RIMBP2: variants seen among roughly 807,000 people sequenced by gnomAD.
The protein encoded by RIMBP2 is RIMS binding protein 2, also known as RIMS-binding protein 2.
A neutral mutation model predicts 118.6 loss-of-function variants in RIMBP2; 48 were observed. The ratio of observed to expected loss-of-function variants is 0.40; its 90% CI spans 0.32 to 0.51. RIMBP2 has a LOEUF of 0.51. Ranked by LOEUF, RIMBP2 falls within the 20% of genes least tolerant of loss-of-function variation. The pLI is 0.41. For missense variants in RIMBP2, 1,551 were observed against 1,768.3 expected (o/e 0.88, Z 2.20); for synonymous variants, 762 against 742.9 (o/e 1.03, Z -0.42).
intron 2 of RIMBP2, among the ~76,000 whole-genome samples, chr12:130,597,163 TAAAC>T (rs955767195): frequency 2.0e-5 from 3 of 152,194 alleles, no homozygotes; most frequent in African/African-American, 4.8e-5. Flanking sequence ...CTATGACTCA[TAAAC>T]AAAAAAAATT....
chr12:130,662,212 C>G (rs972061006), intron 1 of RIMBP2, among the ~76,000 whole-genome samples: 4 of 152,110 alleles, frequency 2.6e-5, no homozygotes, highest in Non-Finnish European at 5.9e-5. Flanking sequence ...CCGTCACGCT[C>G]TGGGGAGAGG....
intron 11 of RIMBP2, among the ~76,000 whole-genome samples, chr12:130,439,151 ATGTG>A (rs1361872993): frequency 6.6e-6 from 1 of 151,580 alleles, no homozygotes; most frequent in African/African-American, 2.4e-5. Flanking sequence ...ATATGTGTGT[ATGTG>A]TGTGTAAATG....
In RIMBP2 at chr12:130,438,480, G is replaced by A. The variant is rs772220135; in HGVS notation, c.1541C>T (p.Ala514Val). The A allele has an allele frequency of 1.6e-5, 25 of 1,612,074 alleles. No homozygotes were observed. Among genetic ancestry groups the A allele is most frequent in the Non-Finnish European group, 2.0e-5 (23 of 1,179,140 alleles). Residue 514 changes from alanine to valine, a missense_variant, in exon 12 of 23, where the codon GCT (alanine) becomes GTT (valine). Ala to Val is a moderately conservative substitution (Grantham distance 64, BLOSUM62 0). Transcript: ENST00000690449. ...PAPPQDVTVQ[A>V]GVTPATIRVS... Reference sequence around the variant, plus strand: ...CCGGATGGTGGCGGGGGTCACCCCAGCCTGGACGGTAACATCTTGTGGGGG... The same window carrying A: ...CCGGATGGTGGCGGGGGTCACCCCAACCTGGACGGTAACATCTTGTGGGGG...
chr12:130,616,370 C>G (rs2060935100), intron 2 of RIMBP2, among the ~76,000 whole-genome samples: 2 of 152,062 alleles, frequency 1.3e-5, no homozygotes, highest in African/African-American at 4.8e-5. Flanking sequence ...CTATTAGTCT[C>G]CTCCTCTCAT....
At chr12:130,534,778 C>T (rs2053838503) in intron 2 of RIMBP2, among the ~76,000 whole-genome samples, 1 of 152,190 alleles carries the variant, frequency 6.6e-6, no homozygotes, top group Admixed American at 6.5e-5. Context: ...AACCCAGACA[C>T]CTCTAGGAGT....
At chr12:130,498,610 A>G (rs2049420495) in intron 4 of RIMBP2, among the ~76,000 whole-genome samples, 1 of 149,892 alleles carries the variant, frequency 6.7e-6, no homozygotes. Flanking sequence ...TCAGAAATAC[A>G]AAGTGCTGAG....
At chr12:130,704,882 G>A (rs894150035) in intron 1 of RIMBP2, among the ~76,000 whole-genome samples, 8 of 152,170 alleles carry the variant, frequency 5.3e-5, no homozygotes, top group Admixed American at 6.5e-5. Flanking sequence ...TCACCTGTCT[G>A]TGCGTCCAAG....
intron 12 of RIMBP2, 31 bp downstream of exon 12, chr12:130,438,334 A>AACCC: frequency 1.1e-5 from 15 of 1,344,512 alleles, no homozygotes; most frequent in Non-Finnish European, 1.5e-5. Context: ...GGGCCTAACA[A>AACCC]ACCCTCCCCA....
chr12:130,584,785 T>A (rs1311086169), intron 2 of RIMBP2, among the ~76,000 whole-genome samples: 4 of 150,984 alleles, frequency 2.6e-5, no homozygotes, highest in East Asian at 1.9e-4. Flanking sequence ...CCTTCATCAC[T>A]ACCATCACTA....
At chr12:130,707,170 G>T (rs1169231301) in intron 1 of RIMBP2, among the ~76,000 whole-genome samples, 1 of 152,140 alleles carries the variant, frequency 6.6e-6, no homozygotes. Context: ...GAAGAGCGGT[G>T]GGGTCACAGA....
chr12:130,412,027 T>C (rs767212797), intron 19 of RIMBP2, among the ~76,000 whole-genome samples: 12 of 152,196 alleles, frequency 7.9e-5, no homozygotes, highest in East Asian at 3.8e-4. Flanking sequence ...AGAGGCTTTT[T>C]TTAATGAGGA....
chr12:130,653,602 T>G (rs2063312535), intron 1 of RIMBP2, among the ~76,000 whole-genome samples: 1 of 152,212 alleles, frequency 6.6e-6, no homozygotes, highest in African/African-American at 2.4e-5. Flanking sequence ...GGGGACTCTG[T>G]GTGGGAGCTG....
At chr12:130,665,291 G>C (rs1012113340) in intron 1 of RIMBP2, among the ~76,000 whole-genome samples, 2 of 151,532 alleles carry the variant, frequency 1.3e-5, no homozygotes, top group African/African-American at 2.4e-5. Flanking sequence ...TTGGGAGGCC[G>C]AGGTGGGTGG....
At chr12:130,709,169 G>A (rs942894178) in intron 1 of RIMBP2, among the ~76,000 whole-genome samples, 19 of 152,372 alleles carry the variant, frequency 1.2e-4, no homozygotes, top group African/African-American at 4.3e-4. Context: ...CAGAAGCCAC[G>A]ATGCAGGAGG....
At chr12:130,417,397 A>G (rs1300244315) in intron 17 of RIMBP2, among the ~76,000 whole-genome samples, 2 of 152,240 alleles carry the variant, frequency 1.3e-5, no homozygotes, top group Non-Finnish European at 2.9e-5. Flanking sequence ...ATGGAATGCT[A>G]TGCAGCCAGA....
At chr12:130,715,449 G>A (rs940085835) in intron 1 of RIMBP2, among the ~76,000 whole-genome samples, 3 of 152,080 alleles carry the variant, frequency 2.0e-5, no homozygotes, top group Non-Finnish European at 4.4e-5. Context: ...ACAGATGTCC[G>A]GGCCCCCACC....
At chr12:130,496,493 G>A (rs1175346186) in intron 4 of RIMBP2, among the ~76,000 whole-genome samples, 1 of 152,126 alleles carries the variant, frequency 6.6e-6, no homozygotes, top group Admixed American at 6.5e-5. Flanking sequence ...CAGCCCTGCT[G>A]AGCAGCTCTG....
chr12:130,479,614 G>A (rs934542712), intron 4 of RIMBP2, among the ~76,000 whole-genome samples: 3 of 127,144 alleles, frequency 2.4e-5, no homozygotes, highest in Admixed American at 7.0e-5. Context: ...TCCCGGCCTC[G>A]GGCCGAGTCC....
chr12:130,472,900 C>T (rs578092958), intron 5 of RIMBP2, among the ~76,000 whole-genome samples: 1 of 152,060 alleles, frequency 6.6e-6, no homozygotes, highest in Admixed American at 6.6e-5. Context: ...GCTCAACCGT[C>T]GAAGGCCGAA....
Sources: gnomAD v4.1 joint callset for allele counts (sites outside exome capture counted in the v4.1 genomes callset) on GRCh38, gnomAD v4.1.1 for gene constraint, MANE v1.5 for transcripts, NCBI Gene and HGNC (gene_info 2026-07-23, HGNC 2026-07-21) for gene names.